BNC2: variants seen among roughly 807,000 people sequenced by gnomAD.
BNC2 encodes the protein zinc finger protein basonuclin-2.
In BNC2, 20 loss-of-function variants were observed where a neutral mutation model predicts 76.3. The ratio of observed to expected loss-of-function variants is 0.26; its 90% CI spans 0.18 to 0.38. The LOEUF (loss-of-function observed/expected upper bound fraction) is 0.38. Ranked by LOEUF, BNC2 falls within the 10% of genes least tolerant of loss-of-function variation. BNC2 has a pLI of 1.00. For missense variants in BNC2, 1,382 were observed against 1,399.8 expected, an observed-to-expected ratio of 0.99 and a Z score of 0.20; for synonymous variants, 582 against 514.8, an observed-to-expected ratio of 1.13 and a Z score of -1.77.
At chr9:16,742,955 T>A (rs997537434) in intron 1 of BNC2, among the ~76,000 whole-genome samples, 2 of 152,138 alleles carry the variant, frequency 1.3e-5, no homozygotes, top group Non-Finnish European at 2.9e-5. Context: ...ACATCTCAGC[T>A]CTCTCAAGTG....
At chr9:16,483,631 T>C (rs1215305997) in intron 5 of BNC2, among the ~76,000 whole-genome samples, 3 of 152,226 alleles carry the variant, frequency 2.0e-5, no homozygotes, top group Non-Finnish European at 2.9e-5. Flanking sequence ...TCTATTGCTA[T>C]TGCAGGATCA....
intron 3 of BNC2, among the ~76,000 whole-genome samples, chr9:16,701,886 G>A (rs1823524953): frequency 7.5e-6 from 1 of 134,188 alleles, no homozygotes; most frequent in South Asian, 2.4e-4. Flanking sequence ...AGGCTGCAGT[G>A]AGCCAAGATC....
At chr9:16,659,480 T>G (rs550736064) in intron 3 of BNC2, among the ~76,000 whole-genome samples, 16 of 152,042 alleles carry the variant, frequency 1.1e-4, no homozygotes, top group African/African-American at 3.6e-4. Flanking sequence ...TGGTGGTGCA[T>G]GCCTGTAATC....
At chr9:16,644,048 A>G (rs1329425581) in intron 3 of BNC2, among the ~76,000 whole-genome samples, 1 of 152,216 alleles carries the variant, frequency 6.6e-6, no homozygotes, top group Non-Finnish European at 1.5e-5. Context: ...ACCTTTCAGG[A>G]AGTCAAAGCA....
chr9:16,609,401 G>A (rs1261836511), intron 3 of BNC2, among the ~76,000 whole-genome samples: 1 of 152,122 alleles, frequency 6.6e-6, no homozygotes, highest in Non-Finnish European at 1.5e-5. Context: ...GCTTCATGGA[G>A]GTGAACTGAG....
intron 3 of BNC2, among the ~76,000 whole-genome samples, chr9:16,705,480 G>C (rs1366303973): frequency 6.6e-6 from 1 of 152,174 alleles, no homozygotes; most frequent in Non-Finnish European, 1.5e-5. Context: ...TGTGAGGCAT[G>C]TGTCACCCTG....
chr9:16,630,886 T>G (rs1196871452), intron 3 of BNC2, among the ~76,000 whole-genome samples: 1 of 151,908 alleles, frequency 6.6e-6, no homozygotes, highest in Non-Finnish European at 1.5e-5. Flanking sequence ...ATTACAGGCA[T>G]GCGCCACCAC....
intron 3 of BNC2, among the ~76,000 whole-genome samples, chr9:16,723,760 T>A (rs1175342166): frequency 6.6e-6 from 1 of 152,238 alleles, no homozygotes; most frequent in African/African-American, 2.4e-5. Context: ...GGTATTAATG[T>A]AAATCGTTGA....
chr9:16,761,477 C>G (rs1314359655), intron 1 of BNC2, among the ~76,000 whole-genome samples: 1 of 152,154 alleles, frequency 6.6e-6, no homozygotes, highest in Non-Finnish European at 1.5e-5. Flanking sequence ...GAAACTGATT[C>G]TAAAATACAA....
At chr9:16,605,043 A>G (rs1820344267) in intron 3 of BNC2, among the ~76,000 whole-genome samples, 1 of 152,184 alleles carries the variant, frequency 6.6e-6, no homozygotes, top group East Asian at 1.9e-4. Flanking sequence ...TTTTTCAACA[A>G]TGACTTCATG....
At chr9:16,626,678 AAC>A (rs113705597) in intron 3 of BNC2, among the ~76,000 whole-genome samples, 26 of 149,628 alleles carry the variant, frequency 1.7e-4, no homozygotes, top group Admixed American at 1.1e-3. Flanking sequence ...GTAAAAGGCA[AAC>A]ACACACACAC....
At chr9:16,518,439 T>C (rs1817504509) in intron 5 of BNC2, among the ~76,000 whole-genome samples, 1 of 151,974 alleles carries the variant, frequency 6.6e-6, no homozygotes, top group African/African-American at 2.4e-5. Flanking sequence ...AAAATAATAA[T>C]AATAAAATAA....
chr9:16,616,864 T>G (rs1003731644), intron 3 of BNC2, among the ~76,000 whole-genome samples: 1 of 132,826 alleles, frequency 7.5e-6, no homozygotes, highest in Non-Finnish European at 1.6e-5. Flanking sequence ...GGGAATTTCG[T>G]AGGTGGCTCT....
At chr9:16,824,952 G>A (rs1335021387) in intron 1 of BNC2, among the ~76,000 whole-genome samples, 2 of 152,066 alleles carry the variant, frequency 1.3e-5, no homozygotes, top group African/African-American at 4.8e-5. Context: ...GGGTTTAGTT[G>A]TCAGCCTAAA....
chr9:16,713,725 C>T (rs1015394393), intron 3 of BNC2, among the ~76,000 whole-genome samples: 1 of 151,848 alleles, frequency 6.6e-6, no homozygotes, highest in African/African-American at 2.4e-5. Flanking sequence ...TACTTTGAAC[C>T]ATAAGAAGCT....
intron 3 of BNC2, among the ~76,000 whole-genome samples, chr9:16,606,972 G>C (rs961702238): frequency 6.6e-6 from 1 of 152,146 alleles, no homozygotes; most frequent in Admixed American, 6.5e-5. Flanking sequence ...TATTGAGGCA[G>C]GGTCTCACTC....
intron 4 of BNC2, among the ~76,000 whole-genome samples, chr9:16,555,706 G>T (rs963110403): frequency 2.6e-5 from 4 of 152,068 alleles, no homozygotes; most frequent in Non-Finnish European, 5.9e-5. Context: ...GGAGTAGGAG[G>T]ATTATCTGAG....
chr9:16,750,696 C>G (rs1043117451), intron 1 of BNC2, among the ~76,000 whole-genome samples: 3 of 152,216 alleles, frequency 2.0e-5, no homozygotes, highest in Admixed American at 6.5e-5. Flanking sequence ...TTGCCAAAAC[C>G]GCTGCCACCC....
At chr9:16,757,340 C>T (rs1396515174) in intron 1 of BNC2, among the ~76,000 whole-genome samples, 1 of 152,112 alleles carries the variant, frequency 6.6e-6, no homozygotes, top group Non-Finnish European at 1.5e-5. Context: ...AAATAGGAAA[C>T]GATTATCTGA....
Sources: gnomAD v4.1 joint callset for allele counts (sites outside exome capture counted in the v4.1 genomes callset) on GRCh38, gnomAD v4.1.1 for gene constraint, MANE v1.5 for transcripts, NCBI Gene and HGNC (gene_info 2026-07-23, HGNC 2026-07-21) for gene names.